The following THSD4 variants were observed in gnomAD, a reference collection of about 807,000 sequenced individuals.
THSD4 encodes thrombospondin type-1 domain-containing protein 4.
In THSD4, 69 loss-of-function variants were observed where a neutral mutation model predicts 119.0. That is an observed-to-expected ratio of 0.58 (90% CI 0.48 to 0.71). THSD4 has a LOEUF of 0.71. Ranked by LOEUF, THSD4 falls within the 30% of genes least tolerant of loss-of-function variation. THSD4 has a pLI of 0.00. For missense variants in THSD4, 1,393 were observed against 1,391.1 expected (o/e 1.00, Z -0.02); for synonymous variants, 524 against 540.4 (o/e 0.97, Z 0.42).
At chr15:71,246,588 C>T (rs2044203102) in intron 5 of THSD4, among the ~76,000 whole-genome samples, 1 of 152,132 alleles carries the variant, frequency 6.6e-6, no homozygotes, top group South Asian at 2.1e-4. Flanking sequence ...TTCTTTATGT[C>T]TTCCGATGTG....
upstream of THSD4, among the ~76,000 whole-genome samples, chr15:71,114,755 CT>C (rs202090332): frequency 3.3e-3 from 504 of 152,066 alleles, 2 homozygotes; most frequent in African/African-American, 0.011. Context: ...TTGCAGCAGG[CT>C]TTTTTTTCCC....
At chr15:71,240,791 A>G (rs2044145144) in intron 4 of THSD4, among the ~76,000 whole-genome samples, 1 of 138,508 alleles carries the variant, frequency 7.2e-6, no homozygotes. Flanking sequence ...TTTTATATAT[A>G]TGTGTATACA....
intron 3 of THSD4, among the ~76,000 whole-genome samples, chr15:71,187,968 G>T (rs1441564273): frequency 6.6e-6 from 1 of 152,160 alleles, no homozygotes; most frequent in Admixed American, 6.5e-5. Flanking sequence ...ATCCTGCTTT[G>T]TCTGGGACAA....
intron 3 of THSD4, among the ~76,000 whole-genome samples, chr15:71,180,724 GT>G (rs2043512585): frequency 1.3e-5 from 2 of 152,260 alleles, no homozygotes; most frequent in Admixed American, 6.5e-5. Flanking sequence ...GACAAAGATA[GT>G]TTTTGATGAA....
At chr15:71,270,437 T>C (rs931493876) in intron 6 of THSD4, among the ~76,000 whole-genome samples, 5 of 152,330 alleles carry the variant, frequency 3.3e-5, no homozygotes, top group African/African-American at 1.2e-4. Flanking sequence ...TTACACCTTA[T>C]ACAAAATTTA....
chr15:71,305,676 A>G (rs1308089011), intron 6 of THSD4, among the ~76,000 whole-genome samples: 1 of 152,246 alleles, frequency 6.6e-6, no homozygotes, highest in African/African-American at 2.4e-5. Context: ...GGTAGCTCTT[A>G]TCACCCTTCC....
chr15:71,748,827 T>C (rs1388014620), intron 14 of THSD4, among the ~76,000 whole-genome samples: 1 of 152,196 alleles, frequency 6.6e-6, no homozygotes, highest in Non-Finnish European at 1.5e-5. Context: ...TAGCACTCCA[T>C]GTGGTCACTC....
chr15:71,701,149 TA>T (rs1567108550), intron 8 of THSD4, among the ~76,000 whole-genome samples: 1 of 152,176 alleles, frequency 6.6e-6, no homozygotes, highest in African/African-American at 2.4e-5. Context: ...TAATATTTTT[TA>T]AAGCTCCTGA....
At chr15:71,214,557 C>T (rs1467147055) in intron 3 of THSD4, among the ~76,000 whole-genome samples, 1 of 152,170 alleles carries the variant, frequency 6.6e-6, no homozygotes, top group Non-Finnish European at 1.5e-5. Flanking sequence ...ACGAACCCAC[C>T]GGAAGGAACA....
chr15:71,780,928 T>C lies in THSD4; in HGVS notation c.*3554T>C, dbSNP rs1217208481. 1 of 383,424 alleles carries C rather than the reference T, an allele frequency of 2.6e-6. No individual in the cohort carries two copies. The highest frequency in any genetic ancestry group is 3.4e-5 in the Admixed American group (1 of 29,282). The allele number at this position is 383,424 out of a possible 1,614,324, so 23.8% of individuals were successfully genotyped here. A position where few individuals can be genotyped will look rare whatever the true frequency, so the allele number is the denominator to read the frequency against. ...GAGAAATCCAGATATTACCAGGACC[T>C]GTCTAAACAAATGTTGTGGGTTTTC... On this transcript the variant is annotated 3_prime_UTR_variant, in exon 18 of 18. Transcript: ENST00000261862.
At chr15:71,497,791 T>C (rs930034230) in intron 7 of THSD4, among the ~76,000 whole-genome samples, 1 of 152,192 alleles carries the variant, frequency 6.6e-6, no homozygotes, top group East Asian at 1.9e-4. Flanking sequence ...TTTTCAGTCA[T>C]TGAATATAAC....
At chr15:71,641,830 A>G (rs1347704702) in intron 7 of THSD4, among the ~76,000 whole-genome samples, 1 of 152,228 alleles carries the variant, frequency 6.6e-6, no homozygotes, top group African/African-American at 2.4e-5. Context: ...AACTGTAAAA[A>G]AAAAAAATTG....
intron 11 of THSD4, among the ~76,000 whole-genome samples, chr15:71,740,206 C>T (rs1357000760): frequency 6.6e-6 from 1 of 152,092 alleles, no homozygotes; most frequent in Non-Finnish European, 1.5e-5. Flanking sequence ...AAATTAAATG[C>T]ATATAAAATA....
intron 7 of THSD4, among the ~76,000 whole-genome samples, chr15:71,507,777 T>C (rs1278901758): frequency 2.0e-5 from 3 of 152,186 alleles, no homozygotes; most frequent in African/African-American, 4.8e-5. Flanking sequence ...TTGACAGGTA[T>C]CAGAAAGCCA....
Position 71,190,319 on chromosome 15 carries a change from C to A in THSD4, c.100-24716C>A, listed in dbSNP as rs572619048. On this transcript the variant is annotated intron_variant, in intron 3 of 17. Coordinates refer to ENST00000261862, the MANE Select transcript of THSD4 (RefSeq NM_024817.3). ...TGCCTTAATTGTTCATGAGAGGGAA[C>A]CCCCTGGGGAGTGGTTCTTGACATT... Among the ~76,000 whole-genome samples, 7 of 152,284 alleles carry A rather than the reference C, an allele frequency of 4.6e-5. No homozygotes were observed. The South Asian group carries it at 1.5e-3, about 32-fold the overall frequency.
At chr15:71,212,420 G>T (rs1041105120) in intron 3 of THSD4, among the ~76,000 whole-genome samples, 1 of 152,212 alleles carries the variant, frequency 6.6e-6, no homozygotes, top group African/African-American at 2.4e-5. Context: ...AATTAAGGGT[G>T]AGATTAGTTC....
chr15:71,306,282 G>GGT (rs2045025188), intron 6 of THSD4, among the ~76,000 whole-genome samples: 1 of 125,534 alleles, frequency 8.0e-6, no homozygotes, highest in Non-Finnish European at 1.6e-5. Context: ...CTCCAGCCTG[G>GGT]GTGATAAGAG....
intron 8 of THSD4, among the ~76,000 whole-genome samples, chr15:71,723,525 A>G (rs978366644): frequency 6.6e-6 from 1 of 152,150 alleles, no homozygotes; most frequent in Non-Finnish European, 1.5e-5. Context: ...TAAACATTCA[A>G]TTCTTACTAT....
intron 14 of THSD4, among the ~76,000 whole-genome samples, chr15:71,754,051 A>G (rs960890513): frequency 6.6e-6 from 1 of 151,138 alleles, no homozygotes; most frequent in South Asian, 2.1e-4. Flanking sequence ...AAACATGAAG[A>G]TAACTGAAAT....
Sources: allele counts gnomAD v4.1 joint callset (sites outside exome capture counted in the v4.1 genomes callset), GRCh38; gene constraint gnomAD v4.1.1; transcripts MANE v1.5; gene names NCBI Gene and HGNC (gene_info 2026-07-23, HGNC 2026-07-21).